CLXN: variants seen among roughly 807,000 people sequenced by gnomAD.
CLXN encodes calaxin, also known as EF-hand calcium binding domain 1.
At chr8:48,720,739 G>A in the CLXN span, among the ~76,000 whole-genome samples, 4 of 151,996 alleles carry the variant, frequency 2.6e-5, no homozygotes, top group East Asian at 1.9e-4. Flanking sequence ...ATGTGATTTT[G>A]TACCTACTCC....
At chr8:48,718,311 A>G in the CLXN span, among the ~76,000 whole-genome samples, 2 of 152,164 alleles carry the variant, frequency 1.3e-5, no homozygotes, top group Non-Finnish European at 2.9e-5. Context: ...CAGAGCACCT[A>G]AAGTATATAA....
At chr8:48,730,030 A>G in the CLXN span, 1 of 512,728 alleles carries the variant, frequency 2.0e-6, no homozygotes, top group Non-Finnish European at 3.3e-6. Flanking sequence ...TAGGATATAT[A>G]CAATAATCCT....
chr8:48,731,238 C>T, the CLXN span: 3 of 1,114,496 alleles, frequency 2.7e-6, no homozygotes, highest in Admixed American at 3.2e-5. Context: ...TCCAATGACA[C>T]TGGGAATGCA....
the CLXN span, among the ~76,000 whole-genome samples, chr8:48,712,990 CA>C: frequency 0.54 from 53,503 of 99,486 alleles, 12,747 homozygotes; most frequent in East Asian, 0.69. Flanking sequence ...ACTCCTCTGT[CA>C]AAAAAAAAAA....
chr8:48,719,645 A>G, the CLXN span, among the ~76,000 whole-genome samples: 1 of 152,216 alleles, frequency 6.6e-6, no homozygotes, highest in Admixed American at 6.5e-5. Context: ...ATACAACACA[A>G]TAACAAAAAG....
chr8:48,727,432 G>A, the CLXN span, among the ~76,000 whole-genome samples: 1 of 152,154 alleles, frequency 6.6e-6, no homozygotes, highest in Non-Finnish European at 1.5e-5. Context: ...GGGATGAACA[G>A]GGAAGATTGT....
the CLXN span, among the ~76,000 whole-genome samples, chr8:48,718,125 G>A: frequency 1.1e-4 from 16 of 152,116 alleles, no homozygotes; most frequent in Non-Finnish European, 1.8e-4. Context: ...TAGGAGGAAA[G>A]TTAAAGGATG....
At chr8:48,735,272 C>A in the CLXN span, 1 of 1,141,064 alleles carries the variant, frequency 8.8e-7, no homozygotes, top group Non-Finnish European at 1.3e-6. Context: ...AGTTACTGAT[C>A]TCGTGCGCGG....
chr8:48,720,917 A>G, the CLXN span, among the ~76,000 whole-genome samples: 1 of 152,138 alleles, frequency 6.6e-6, no homozygotes, highest in Non-Finnish European at 1.5e-5. Flanking sequence ...GCTGACACTT[A>G]CGGAAAATAG....
At chr8:48,718,961 A>C in the CLXN span, among the ~76,000 whole-genome samples, 1 of 152,100 alleles carries the variant, frequency 6.6e-6, no homozygotes, top group African/African-American at 2.4e-5. Context: ...TAAAAGCAGA[A>C]ATAAAACAAA....
the CLXN span, chr8:48,723,426 A>T: frequency 6.6e-6 from 1 of 152,230 alleles, no homozygotes; most frequent in Non-Finnish European, 1.5e-5. Context: ...TATTTCATGG[A>T]TCTGTTTATT....
chr8:48,720,657 G>T, the CLXN span, among the ~76,000 whole-genome samples: 1 of 152,118 alleles, frequency 6.6e-6, no homozygotes, highest in South Asian at 2.1e-4. Context: ...TTTTCCCTTT[G>T]TCCTATTCCC....
the CLXN span, among the ~76,000 whole-genome samples, chr8:48,720,957 G>T: frequency 1.3e-5 from 2 of 152,116 alleles, no homozygotes; most frequent in Non-Finnish European, 2.9e-5. Context: ...ATTGGGGGCA[G>T]GTTCCCCCAA....
At chr8:48,729,219 G>GTGTT in the CLXN span, 1 of 1,326,610 alleles carries the variant, frequency 7.5e-7, no homozygotes, top group Non-Finnish European at 1.1e-6. Flanking sequence ...TCATAGTCAA[G>GTGTT]TGTTAATTTA....
the CLXN span, among the ~76,000 whole-genome samples, chr8:48,733,919 T>A: frequency 1.3e-5 from 2 of 152,210 alleles, no homozygotes; most frequent in South Asian, 4.1e-4. Flanking sequence ...AGATGTTTAC[T>A]AGAAGAATAC....
chr8:48,724,997 A>C, the CLXN span, among the ~76,000 whole-genome samples: 1 of 152,226 alleles, frequency 6.6e-6, no homozygotes, highest in South Asian at 2.1e-4. Context: ...GTGGCCACAA[A>C]GATGAGCAAG....
the CLXN span, among the ~76,000 whole-genome samples, chr8:48,713,016 AAAAG>A: frequency 6.6e-6 from 1 of 151,862 alleles, no homozygotes; most frequent in Non-Finnish European, 1.5e-5. Flanking sequence ...AAAAGAAAGA[AAAAG>A]AAAAAAACTG....
the CLXN span, chr8:48,735,001 C>A: frequency 8.7e-5 from 124 of 1,431,964 alleles, 1 homozygote; most frequent in Middle Eastern, 9.0e-4. Context: ...TCCCAGCAGG[C>A]GGGAAGCAGG....
chr8:48,729,018 G>T, the CLXN span: 159 of 1,561,942 alleles, frequency 1.0e-4, 2 homozygotes, highest in East Asian at 1.0e-3. Context: ...TTTGATTACC[G>T]TTCAGGGAAA....
Sources: gnomAD v4.1 joint callset for allele counts (sites outside exome capture counted in the v4.1 genomes callset) on GRCh38, gnomAD v4.1.1 for gene constraint, MANE v1.5 for transcripts, NCBI Gene and HGNC (gene_info 2026-07-23, HGNC 2026-07-21) for gene names.